GSE1: variants seen among roughly 807,000 people sequenced by gnomAD.
GSE1 encodes the protein Gse1 coiled-coil protein.
GSE1 carries 32 observed loss-of-function variants against 112.6 expected under a neutral mutation model. The ratio of observed to expected loss-of-function variants is 0.28; its 90% CI spans 0.21 to 0.38. GSE1 has a LOEUF of 0.38. Among genes scored for constraint, GSE1 ranks in the 10% least tolerant of loss-of-function variants. GSE1 has a pLI of 1.00. For missense variants in GSE1, 2,348 were observed against 1,699.2 expected, an observed-to-expected ratio of 1.38 and a Z score of -6.71; for synonymous variants, 1,115 against 735.6, an observed-to-expected ratio of 1.52 and a Z score of -8.35.
chr16:85,364,810 C>G (rs1567713829), intron 2 of GSE1, among the ~76,000 whole-genome samples: 1 of 152,196 alleles, frequency 6.6e-6, no homozygotes, highest in East Asian at 1.9e-4. Context: ...CCCAGCAACT[C>G]TGTCCCCGGC....
Position 85,567,293 on chromosome 16 carries a change from C to T in GSE1, c.37+10930C>T, listed in dbSNP as rs997102897. Among the ~76,000 whole-genome samples the T allele has an allele frequency of 4.6e-5, 7 of 152,110 alleles. No individual in the cohort carries two copies. The East Asian group carries it at 7.7e-4, about 17-fold the overall frequency. ...GAGCAAGTGTGTGGTCATAAAACAT[C>T]GTTTTATTCTCCCAGCTGCTGTGCG... On this transcript the variant is annotated intron_variant, in intron 1 of 2. Coordinates refer to the GSE1 transcript ENST00000635906.
At chr16:85,519,078 C>A (rs1028158467) in intron 2 of GSE1, among the ~76,000 whole-genome samples, 6 of 152,208 alleles carry the variant, frequency 3.9e-5, no homozygotes, top group African/African-American at 1.4e-4. Flanking sequence ...CTCCTCTGGA[C>A]AAGTGGAGTA....
intron 1 of GSE1, chr16:85,283,471 G>T: frequency 6.5e-6 from 1 of 152,804 alleles, no homozygotes. Flanking sequence ...GCTCGTGAGA[G>T]CCGCAGGCCC....
chr16:85,635,565 A>C (rs866522573), intron 2 of GSE1, among the ~76,000 whole-genome samples: 1 of 152,178 alleles, frequency 6.6e-6, no homozygotes, highest in South Asian at 2.1e-4. Flanking sequence ...CTGAGCTTGG[A>C]GTCGAGACTC....
chr16:85,387,719 C>G (rs1479219864), intron 2 of GSE1, among the ~76,000 whole-genome samples: 2 of 152,230 alleles, frequency 1.3e-5, no homozygotes, highest in Admixed American at 1.3e-4. Context: ...TGTGAGAACT[C>G]ATTCATCTGT....
intron 1 of GSE1, among the ~76,000 whole-genome samples, chr16:85,228,599 C>T (rs1290645383): frequency 6.6e-6 from 1 of 152,142 alleles, no homozygotes; most frequent in Admixed American, 6.5e-5. Context: ...GGAAGTGTTG[C>T]GTGTCAGCAG....
intron 1 of GSE1, among the ~76,000 whole-genome samples, chr16:85,258,067 C>T (rs1398804272): frequency 6.6e-6 from 1 of 152,198 alleles, no homozygotes; most frequent in Non-Finnish European, 1.5e-5. Context: ...CCCCAGTGCC[C>T]CCATGGGCAA....
chr16:85,215,639 G>A (rs1028417650), intron 1 of GSE1, among the ~76,000 whole-genome samples: 5 of 152,218 alleles, frequency 3.3e-5, no homozygotes, highest in Non-Finnish European at 7.3e-5. Flanking sequence ...TGCCTGACAC[G>A]CGGCTGTTGT....
rs527730112 is a variant in GSE1, at chr16:85,408,129, C to A, written c.2464+50486C>A. On this transcript the variant is annotated intron_variant, in intron 2 of 2. Transcript: ENST00000637419. ...TAATCCTCACTGTTACTCTCAGGCC[C>A]CCTGGATAATCCTCACTGTTACACT... Among the ~76,000 whole-genome samples the A allele has an allele frequency of 5.2e-3, 232 of 44,262 alleles. 8 individuals carry two copies. The highest frequency in any genetic ancestry group is 0.028 in the African/African-American group (180 of 6,342). 29.0% of individuals were successfully genotyped at this position (44,262 alleles called of 152,430 possible). A position where few individuals can be genotyped will look rare whatever the true frequency, so the allele number is the denominator to read the frequency against.
chr16:85,506,221 C>T (rs1029209296), intron 2 of GSE1, among the ~76,000 whole-genome samples: 7 of 152,208 alleles, frequency 4.6e-5, no homozygotes, highest in Non-Finnish European at 5.9e-5. Context: ...TGACGGTCAC[C>T]GCCAGCCACA....
At chr16:85,298,897 G>A (rs1479028272) in intron 1 of GSE1, among the ~76,000 whole-genome samples, 2 of 152,240 alleles carry the variant, frequency 1.3e-5, no homozygotes, top group Non-Finnish European at 2.9e-5. Flanking sequence ...GTTTATGTCT[G>A]TGCTGGTGGA....
At position 85,670,990 on chromosome 16, in the gene GSE1, T is replaced by C; in HGVS notation, c.3416-5T>C. On this transcript the variant is annotated splice_region_variant and splice_polypyrimidine_tract_variant and intron_variant, in intron 14 of 15. Coordinates refer to ENST00000253458, the MANE Select transcript of GSE1 (RefSeq NM_014615.5). ...AAAATACATCACCATCTCCTGTCTT[T>C]TCAGAGCAAAATCTGGAGCGGCAGG... 6.3e-7 allele frequency: 1 copy of C among 1,593,908 alleles called. No individual in the cohort carries two copies. Among genetic ancestry groups the C allele is most frequent in the African/African-American group, 1.3e-5 (1 of 74,536 alleles).
chr16:85,476,400 C>G (rs1296393610), intron 2 of GSE1, among the ~76,000 whole-genome samples: 1 of 152,214 alleles, frequency 6.6e-6, no homozygotes, highest in Non-Finnish European at 1.5e-5. Flanking sequence ...TCCCCCCATA[C>G]ACGTGCATAT....
At chr16:85,556,348 C>G (rs2045209561) in exon 1 of GSE1, 1 of 984,976 alleles carries the variant, frequency 1.0e-6, no homozygotes, top group Non-Finnish European at 1.2e-6. Context: ...GAAGCCGCCT[C>G]TGTATTACTT....
intron 1 of GSE1, among the ~76,000 whole-genome samples, chr16:85,295,539 C>T (rs1169650281): frequency 6.6e-6 from 1 of 152,194 alleles, no homozygotes; most frequent in African/African-American, 2.4e-5. Context: ...TGTGAAGCCT[C>T]ATGGCCTTTT....
intron 1 of GSE1, among the ~76,000 whole-genome samples, chr16:85,355,953 G>A (rs888208559): frequency 2.0e-5 from 3 of 152,178 alleles, no homozygotes; most frequent in Admixed American, 6.5e-5. Context: ...CTTGAACACA[G>A]GAGGTGGAGG....
At chr16:85,596,908 C>T (rs140320459) in intron 1 of GSE1, among the ~76,000 whole-genome samples, 536 of 152,270 alleles carry the variant, frequency 3.5e-3, no homozygotes, top group African/African-American at 0.012. Context: ...TGGTGGCACA[C>T]ACCTGTAATC....
At chr16:85,250,790 C>A (rs1906385176) in intron 1 of GSE1, among the ~76,000 whole-genome samples, 1 of 152,050 alleles carries the variant, frequency 6.6e-6, no homozygotes, top group Non-Finnish European at 1.5e-5. Context: ...TCCACCACCC[C>A]CAAAAGAAGC....
In GSE1 at chr16:85,367,308, C is replaced by G. The variant is rs149744053; in HGVS notation, c.2464+9665C>G. ...GAGCTCTGATTGTCTGCCGGCACGT[C>G]TGTCTCTGCCGCTACAATGCCGTAT... On this transcript the variant is annotated intron_variant, in intron 2 of 2. Transcript: ENST00000637419. 3.4e-3 allele frequency among the ~76,000 whole-genome samples: 522 copies of G among 152,328 alleles called. 2 individuals carry two copies. The highest frequency in any genetic ancestry group is 0.011 in the African/African-American group (470 of 41,560).
Sources: allele counts gnomAD v4.1 joint callset (sites outside exome capture counted in the v4.1 genomes callset), GRCh38; gene constraint gnomAD v4.1.1; transcripts MANE v1.5; gene names NCBI Gene and HGNC (gene_info 2026-07-23, HGNC 2026-07-21).